Variants in DCC observed in about 807,000 individuals in gnomAD.
The protein encoded by DCC is DCC netrin 1 receptor, also known as netrin receptor DCC.
DCC carries 58 observed loss-of-function variants against 172.5 expected under a neutral mutation model. The ratio of observed to expected loss-of-function variants is 0.34; its 90% CI spans 0.27 to 0.42. The LOEUF (loss-of-function observed/expected upper bound fraction) is 0.42. DCC is among the 10% of genes least tolerant of loss of function. The pLI is 1.00. For missense variants in DCC, 1,740 were observed against 1,791.0 expected, an observed-to-expected ratio of 0.97 and a Z score of 0.51; for synonymous variants, 709 against 644.5, an observed-to-expected ratio of 1.10 and a Z score of -1.52.
chr18:52,779,507 T>C (rs1255419978), intron 2 of DCC, among the ~76,000 whole-genome samples: 1 of 152,236 alleles, frequency 6.6e-6, no homozygotes, highest in African/African-American at 2.4e-5. Context: ...GGCTATATAG[T>C]ATTCCATGGT....
intron 5 of DCC, among the ~76,000 whole-genome samples, chr18:53,028,621 A>G (rs2041988108): frequency 6.6e-6 from 1 of 152,166 alleles, no homozygotes; most frequent in Non-Finnish European, 1.5e-5. Context: ...TTTATTAATT[A>G]TTTGCAAAAT....
chr18:52,421,510 C>A (rs561521147), intron 1 of DCC, among the ~76,000 whole-genome samples: 7 of 152,188 alleles, frequency 4.6e-5, no homozygotes, highest in Non-Finnish European at 1.0e-4. Flanking sequence ...GTCCCAATCC[C>A]AGCCTTGCTG....
intron 1 of DCC, among the ~76,000 whole-genome samples, chr18:52,379,533 A>G (rs10454096): frequency 0.093 from 14,089 of 152,242 alleles, 793 homozygotes; most frequent in Middle Eastern, 0.16. Context: ...GCTATAATTA[A>G]TATTAGCAGT....
chr18:53,216,669 G>A (rs1020045082), intron 12 of DCC, among the ~76,000 whole-genome samples: 2 of 152,132 alleles, frequency 1.3e-5, no homozygotes, highest in African/African-American at 4.8e-5. Context: ...CATATCTTGT[G>A]ATGTTAATTG....
At chr18:52,863,538 AATG>A (rs2039176473) in intron 2 of DCC, among the ~76,000 whole-genome samples, 1 of 151,752 alleles carries the variant, frequency 6.6e-6, no homozygotes, top group Non-Finnish European at 1.5e-5. Flanking sequence ...TTTAGTAATT[AATG>A]TCTTAGCATT....
intron 2 of DCC, among the ~76,000 whole-genome samples, chr18:52,862,329 A>G (rs768122933): frequency 2.0e-5 from 3 of 152,332 alleles, no homozygotes; most frequent in Admixed American, 6.5e-5. Context: ...AAATAAGGAA[A>G]GTTAAAAATA....
intron 27 of DCC, among the ~76,000 whole-genome samples, chr18:53,506,578 C>T (rs1241449461): frequency 6.6e-6 from 1 of 152,034 alleles, no homozygotes; most frequent in Non-Finnish European, 1.5e-5. Context: ...AAGGAGGCGG[C>T]CAGGTGTGGT....
At chr18:53,162,364 C>T (rs2054855397) in intron 8 of DCC, among the ~76,000 whole-genome samples, 1 of 151,982 alleles carries the variant, frequency 6.6e-6, no homozygotes, top group Admixed American at 6.6e-5. Flanking sequence ...TTCTTACCCA[C>T]TTCTTAAGTA....
chr18:53,510,271 A>C (rs545531930), intron 27 of DCC, among the ~76,000 whole-genome samples: 2 of 152,370 alleles, frequency 1.3e-5, no homozygotes, highest in Admixed American at 1.3e-4. Flanking sequence ...CCATTCAGCC[A>C]GTGTCACCCC....
In DCC at chr18:53,160,393, C is replaced by T. The variant is rs142786667; in HGVS notation, c.1418+2881C>T. Among the ~76,000 whole-genome samples the T allele has an allele frequency of 1.4e-3, 215 of 152,308 alleles. 1 individual carries two copies. The highest frequency in any genetic ancestry group is 4.9e-3 in the African/African-American group (202 of 41,562). The stretch of plus-strand genomic sequence containing the variant: ...TCTGTTGATCCTATCCCTTATAGTT[C>T]CTGTTTTCCTTCACTTATTCCATAG... On this transcript the variant is annotated intron_variant, in intron 8 of 28. Transcript: ENST00000442544.
intron 1 of DCC, among the ~76,000 whole-genome samples, chr18:52,552,902 A>G (rs887340095): frequency 6.6e-6 from 1 of 152,090 alleles, no homozygotes; most frequent in Non-Finnish European, 1.5e-5. Context: ...TAGCACATAC[A>G]CCAAAAAATA....
At chr18:53,060,992 T>C (rs2042487961) in intron 5 of DCC, among the ~76,000 whole-genome samples, 1 of 152,220 alleles carries the variant, frequency 6.6e-6, no homozygotes. Flanking sequence ...ATACCACATT[T>C]ATGTATTTTA....
At chr18:52,664,313 G>C (rs1267500182) in intron 1 of DCC, among the ~76,000 whole-genome samples, 1 of 152,062 alleles carries the variant, frequency 6.6e-6, no homozygotes, top group African/African-American at 2.4e-5. Context: ...AGCTAGTCCA[G>C]ATAGCTGTAC....
chr18:52,658,777 C>T (rs1231328835), intron 1 of DCC, among the ~76,000 whole-genome samples: 1 of 152,052 alleles, frequency 6.6e-6, no homozygotes, highest in Non-Finnish European at 1.5e-5. Flanking sequence ...AAATAGTCAC[C>T]TGGATCATTC....
At chr18:53,192,981 T>G (rs1245029439) in intron 9 of DCC, among the ~76,000 whole-genome samples, 2 of 152,188 alleles carry the variant, frequency 1.3e-5, no homozygotes, top group Non-Finnish European at 1.5e-5. Context: ...CCAAGTCCTG[T>G]TGATTTTACC....
rs1160270711 is a variant in DCC, at chr18:52,550,219, TG to T, written c.92-201834del. 5.3e-5 allele frequency among the ~76,000 whole-genome samples: 8 copies of T among 152,000 alleles called. No individual in the cohort carries two copies. In the East Asian group the frequency reaches 1.4e-3, roughly 26 times the overall value. ...AATGAGAAACATTCTACAAAACACC[TG>T]ACCAGTCCTCCTTAAAACTGTCAAG... On this transcript the variant is annotated intron_variant, in intron 1 of 28. Coordinates refer to ENST00000442544, the MANE Select transcript of DCC (RefSeq NM_005215.4).
rs745379903 is a variant in DCC, at chr18:52,923,726, G to A, written c.717G>A (p.Gln239=). ...TCATAGATCCAGGACTGCATAGACAGCTGTATTTTCTGCAAAGACCATCCA... is the reference window on the plus strand; with the variant it reads ...TCATAGATCCAGGACTGCATAGACAACTGTATTTTCTGCAAAGACCATCCA... The part of the protein sequence containing the change: ...RILSDPGLHR[Q]LYFLQRPSNV... The change falls in exon 4 of 29, where the codon CAG becomes CAA. Residue 239 remains glutamine (Q), a synonymous_variant. Coordinates refer to ENST00000442544, the MANE Select transcript of DCC (RefSeq NM_005215.4). 3 of 1,609,682 alleles carry A rather than the reference G, an allele frequency of 1.9e-6. No homozygotes were observed. The highest frequency in any genetic ancestry group is 1.1e-5 in the South Asian group (1 of 90,980).
intron 2 of DCC, among the ~76,000 whole-genome samples, chr18:52,884,896 G>T (rs149475140): frequency 2.6e-5 from 4 of 152,208 alleles, no homozygotes; most frequent in Admixed American, 6.5e-5. Flanking sequence ...ATAATGCAGT[G>T]GTTCTTGCAG....
chr18:53,092,993 A>T (rs991509549), intron 7 of DCC, among the ~76,000 whole-genome samples: 2 of 152,110 alleles, frequency 1.3e-5, no homozygotes, highest in African/African-American at 4.8e-5. Flanking sequence ...AAAGTGGGCC[A>T]GGTGTAATGA....
Sources: gnomAD v4.1 joint callset for allele counts (sites outside exome capture counted in the v4.1 genomes callset) on GRCh38, gnomAD v4.1.1 for gene constraint, MANE v1.5 for transcripts, NCBI Gene and HGNC (gene_info 2026-07-23, HGNC 2026-07-21) for gene names.